Variants in RNFT2 observed in about 807,000 individuals in gnomAD.
RNFT2 encodes E3 ubiquitin-protein ligase RNFT2.
In RNFT2, 36 loss-of-function variants were observed where a neutral mutation model predicts 53.0. The ratio of observed to expected loss-of-function variants is 0.68; its 90% CI spans 0.52 to 0.90. The LOEUF (loss-of-function observed/expected upper bound fraction) is 0.90, where lower values mean the gene tolerates loss of function less well. Among genes scored for constraint, RNFT2 ranks in the 40% least tolerant of loss-of-function variants. The pLI, the probability that RNFT2 is intolerant of heterozygous loss-of-function variation, is 0.00. For synonymous variants in RNFT2, 260 were observed against 253.2 expected (o/e 1.03, Z -0.26); for missense variants, 514 against 585.6 (o/e 0.88, Z 1.26).
chr12:116,768,223 C>T lies in RNFT2; in HGVS notation c.728+1309C>T, dbSNP rs544193522. Among the ~76,000 whole-genome samples the T allele has an allele frequency of 5.3e-5, 8 of 151,812 alleles. No individual in the cohort carries two copies. In the East Asian group the frequency reaches 1.2e-3, roughly 22 times the overall value. ...TCAAGTGATTCTCCTGTCTCAGCCT[C>T]TTGAGTAGCTGGGATTACAGGCACC... On this transcript the variant is annotated intron_variant, in intron 6 of 10. Coordinates refer to ENST00000257575, the MANE Select transcript of RNFT2 (RefSeq NM_001382266.1).
chr12:116,748,897 G>C (rs1872034935), intron 3 of RNFT2, among the ~76,000 whole-genome samples: 4 of 152,128 alleles, frequency 2.6e-5, no homozygotes, highest in Admixed American at 2.0e-4. Context: ...TTCTCTCTCT[G>C]AGCCTCCATT....
At chr12:116,787,028 C>T (rs190774571) in intron 7 of RNFT2, among the ~76,000 whole-genome samples, 29 of 152,296 alleles carry the variant, frequency 1.9e-4, no homozygotes, top group Non-Finnish European at 2.6e-4. Context: ...GGTAACCTCC[C>T]CATGCCGATA....
intron 7 of RNFT2, among the ~76,000 whole-genome samples, chr12:116,803,081 C>A (rs1242459711): frequency 7.5e-6 from 1 of 133,996 alleles, no homozygotes; most frequent in Non-Finnish European, 1.6e-5. Flanking sequence ...GGCAACAGAG[C>A]AAGACCCTGT....
intron 3 of RNFT2, among the ~76,000 whole-genome samples, chr12:116,749,599 C>T (rs1872076264): frequency 6.6e-6 from 1 of 152,040 alleles, no homozygotes; most frequent in Admixed American, 6.5e-5. Flanking sequence ...CTTACAGGGA[C>T]AGCAGTCACA....
chr12:116,828,096 G>A (rs1045225107), intron 7 of RNFT2, among the ~76,000 whole-genome samples: 2 of 151,980 alleles, frequency 1.3e-5, no homozygotes, highest in African/African-American at 2.4e-5. Context: ...CCAGGCAGAC[G>A]AAGCAGGAGG....
Position 116,852,337 on chromosome 12 carries a change from G to A in RNFT2, c.*2889G>A. The A allele has an allele frequency of 7.9e-7, 1 of 1,268,626 alleles. No individual in the cohort carries two copies. The highest frequency in any genetic ancestry group is 1.0e-6 in the Non-Finnish European group (1 of 1,002,332). The allele number at this position is 1,268,626 out of a possible 1,614,324, so 78.6% of individuals were successfully genotyped here. A position where few individuals can be genotyped will look rare whatever the true frequency, so the allele number is the denominator to read the frequency against. ...GTCCCCTTCCCCCTGCCCCGCCGTA[G>A]ATTCAGGACATTTGCCCCTGTGTGC... On this transcript the variant is annotated 3_prime_UTR_variant, in exon 11 of 11. Transcript: ENST00000257575.
At chr12:116,766,968 T>C (rs1251616778) in intron 6 of RNFT2, 54 bp downstream of exon 6, 5 of 1,247,786 alleles carry the variant, frequency 4.0e-6, no homozygotes, top group Non-Finnish European at 5.7e-6. Context: ...TTGGCTGGGC[T>C]TGGGGCACGT....
chr12:116,831,956 C>T lies in RNFT2; in HGVS notation c.883-1836C>T, dbSNP rs564266672. Reference sequence around the variant, plus strand: ...CCAGCCTGGGCAACATGGTGAAATCCTGTCTCTACTAAAAATACAAAAAAA... The same window carrying T: ...CCAGCCTGGGCAACATGGTGAAATCTTGTCTCTACTAAAAATACAAAAAAA... On this transcript the variant is annotated intron_variant, in intron 7 of 10. Transcript: ENST00000257575. Among the ~76,000 whole-genome samples the T allele has an allele frequency of 2.0e-5, 3 of 151,334 alleles. No homozygotes were observed. The South Asian group carries it at 6.3e-4, about 32-fold the overall frequency.
intron 4 of RNFT2, among the ~76,000 whole-genome samples, chr12:116,750,854 ATATATTATATATATATAATATATATAT>A (rs1457890699): frequency 4.6e-4 from 7 of 15,234 alleles, no homozygotes; most frequent in African/African-American, 3.4e-3. Context: ...TATATATAAT[ATATATTATATATATATAATATATATAT>A]TATATATATA....
chr12:116,757,068 C>T (rs532343154), intron 5 of RNFT2, among the ~76,000 whole-genome samples: 1 of 152,056 alleles, frequency 6.6e-6, no homozygotes, highest in Non-Finnish European at 1.5e-5. Flanking sequence ...TTGTATTTTT[C>T]CAGGAATTTA....
At chr12:116,799,959 G>A (rs564096983) in intron 7 of RNFT2, among the ~76,000 whole-genome samples, 1 of 152,250 alleles carries the variant, frequency 6.6e-6, no homozygotes, top group South Asian at 2.1e-4. Context: ...GAATGGCGTG[G>A]TACCCTCCCC....
chr12:116,840,357 C>A (rs927083516), intron 10 of RNFT2, among the ~76,000 whole-genome samples: 14 of 152,144 alleles, frequency 9.2e-5, no homozygotes, highest in African/African-American at 3.4e-4. Flanking sequence ...TGCCTGAGGT[C>A]CCGTTGTTCC....
intron 10 of RNFT2, among the ~76,000 whole-genome samples, chr12:116,837,349 T>C (rs1877030489): frequency 6.6e-6 from 1 of 151,640 alleles, no homozygotes; most frequent in African/African-American, 2.4e-5. Flanking sequence ...CAGGCAGTGA[T>C]AAGTGCCGTG....
chr12:116,796,031 C>T (rs1874490056), intron 7 of RNFT2, among the ~76,000 whole-genome samples: 1 of 152,168 alleles, frequency 6.6e-6, no homozygotes, highest in African/African-American at 2.4e-5. Flanking sequence ...GCCTCAGCCT[C>T]CCAAGTAGCT....
At chr12:116,748,573 G>A (rs1007524863) in intron 3 of RNFT2, 2 of 371,684 alleles carry the variant, frequency 5.4e-6, no homozygotes, top group African/African-American at 4.3e-5. Context: ...GAGGTATAAG[G>A]CCCCTAGAAC....
chr12:116,801,804 T>G (rs112988020), intron 7 of RNFT2, among the ~76,000 whole-genome samples: 128 of 148,240 alleles, frequency 8.6e-4, no homozygotes, highest in Middle Eastern at 7.0e-3. Context: ...GTGGGGTTTT[T>G]TTTGTTTGTT....
At chr12:116,807,520 C>T (rs77993062) in intron 7 of RNFT2, among the ~76,000 whole-genome samples, 2,030 of 152,208 alleles carry the variant, frequency 0.013, 49 homozygotes, top group African/African-American at 0.046. Context: ...AGGTAAGTGA[C>T]TTGCCTGGGG....
intron 10 of RNFT2, among the ~76,000 whole-genome samples, chr12:116,847,091 T>C (rs1456410944): frequency 6.6e-6 from 1 of 151,860 alleles, no homozygotes; most frequent in Non-Finnish European, 1.5e-5. Flanking sequence ...GTATTTTTAG[T>C]AGAGACGGGA....
At position 116,740,395 on chromosome 12, in the gene RNFT2, A is replaced by C. The variant is rs1387966718; in HGVS notation, c.-103A>C. 2.6e-6 allele frequency: 3 copies of C among 1,174,736 alleles called. No homozygotes were observed. The highest frequency in any genetic ancestry group is 2.2e-4 in the Middle Eastern group (1 of 4,478). The allele number at this position is 1,174,736 out of a possible 1,614,324, so 72.8% of individuals were successfully genotyped here. A position where few individuals can be genotyped will look rare whatever the true frequency, so the allele number is the denominator to read the frequency against. ...TGACTGTGCATCCCTCTGGAGACGA[A>C]GAGGAGGGGGAGGCCTGTCCTCTCT... On this transcript the variant is annotated 5_prime_UTR_variant, in exon 2 of 11. Transcript: ENST00000257575.
Sources: allele counts gnomAD v4.1 joint callset (sites outside exome capture counted in the v4.1 genomes callset), GRCh38; gene constraint gnomAD v4.1.1; transcripts MANE v1.5; gene names NCBI Gene and HGNC (gene_info 2026-07-23, HGNC 2026-07-21).